Variants in ATF6 observed in about 807,000 individuals in gnomAD.
ATF6 encodes activating transcription factor 6.
In ATF6, 53 loss-of-function variants were observed where a neutral mutation model predicts 83.6. The observed-to-expected ratio is 0.63, with a 90% CI of 0.51 to 0.80. The LOEUF (loss-of-function observed/expected upper bound fraction) is 0.80, where lower values mean the gene tolerates loss of function less well. Among genes scored for constraint, ATF6 ranks in the 30% least tolerant of loss-of-function variants. The pLI is 0.00. For synonymous variants in ATF6, 288 were observed against 285.8 expected (o/e 1.01, Z -0.08); for missense variants, 744 against 797.9 (o/e 0.93, Z 0.81).
chr1:161,850,925 C>T (rs543870829), intron 10 of ATF6, among the ~76,000 whole-genome samples: 33 of 152,194 alleles, frequency 2.2e-4, no homozygotes, highest in Middle Eastern at 3.4e-3. Flanking sequence ...TTGCTCCCTA[C>T]GTCACACCTT....
At chr1:161,829,328 T>C (rs76771026) in intron 9 of ATF6, among the ~76,000 whole-genome samples, 21,356 of 150,822 alleles carry the variant, frequency 0.14, 2,057 homozygotes, top group East Asian at 0.31. Context: ...AACACCCCAC[T>C]GTCAACATTA....
At chr1:161,860,599 G>A (rs1248733285) in intron 13 of ATF6, among the ~76,000 whole-genome samples, 1 of 151,870 alleles carries the variant, frequency 6.6e-6, no homozygotes, top group Non-Finnish European at 1.5e-5. Context: ...TCTGTTTCAT[G>A]AACCTAGGGA....
At chr1:161,807,353 A>G (rs1456742396) in intron 7 of ATF6, among the ~76,000 whole-genome samples, 2 of 152,250 alleles carry the variant, frequency 1.3e-5, no homozygotes, top group African/African-American at 4.8e-5. Context: ...GACGCTGGTT[A>G]GGTCAAAATG....
At chr1:161,922,442 T>A (rs1350448090) in intron 15 of ATF6, among the ~76,000 whole-genome samples, 5 of 152,098 alleles carry the variant, frequency 3.3e-5, no homozygotes, top group African/African-American at 1.2e-4. Context: ...GTACCCATGA[T>A]TTGTACTTTA....
intron 14 of ATF6, among the ~76,000 whole-genome samples, chr1:161,888,235 A>G (rs950749735): frequency 2.6e-5 from 4 of 152,236 alleles, no homozygotes; most frequent in Admixed American, 1.3e-4. Context: ...CTGCTTTTTT[A>G]AAAGAGCAAC....
At chr1:161,834,999 A>G (rs1290643157) in intron 9 of ATF6, among the ~76,000 whole-genome samples, 1 of 152,194 alleles carries the variant, frequency 6.6e-6, no homozygotes, top group Non-Finnish European at 1.5e-5. Context: ...ATGCACTGAG[A>G]AGGGCACAGT....
intron 1 of ATF6, among the ~76,000 whole-genome samples, chr1:161,772,415 T>C (rs1323460125): frequency 6.6e-6 from 1 of 152,190 alleles, no homozygotes. Flanking sequence ...GATGATTGCT[T>C]TATAAAGTTT....
intron 9 of ATF6, among the ~76,000 whole-genome samples, chr1:161,829,119 C>T (rs556124878): frequency 1.3e-5 from 2 of 151,174 alleles, no homozygotes; most frequent in Admixed American, 1.3e-4. Flanking sequence ...GCGGGAGCAC[C>T]CAGATTCATA....
chr1:161,837,880 A>G (rs888732623), intron 9 of ATF6, among the ~76,000 whole-genome samples: 7 of 152,214 alleles, frequency 4.6e-5, no homozygotes, highest in African/African-American at 1.4e-4. Context: ...GGATTAATTC[A>G]TTTGTTCCTC....
At chr1:161,886,561 A>G (rs1237717081) in intron 14 of ATF6, among the ~76,000 whole-genome samples, 2 of 152,154 alleles carry the variant, frequency 1.3e-5, no homozygotes, top group South Asian at 2.1e-4. Context: ...TTTCTTAGCC[A>G]TGTTACTGAA....
chr1:161,850,754 T>C (rs745735916), intron 10 of ATF6, among the ~76,000 whole-genome samples: 1 of 152,208 alleles, frequency 6.6e-6, no homozygotes, highest in Non-Finnish European at 1.5e-5. Context: ...ATGTTTTCTT[T>C]TGAGATATTA....
At position 161,925,728 on chromosome 1, in the gene ATF6, T is replaced by C. The variant is rs538145402; in HGVS notation, c.1804+13348T>C. 2.0e-5 allele frequency among the ~76,000 whole-genome samples: 3 copies of C among 152,302 alleles called. No individual in the cohort carries two copies. The South Asian group carries it at 6.2e-4, about 32-fold the overall frequency. ...CATAGTAGCTGCTCAAAAATGTTTGTTGAATTGAATTAAATATATGAAGTA... is the reference window on the plus strand; with the variant it reads ...CATAGTAGCTGCTCAAAAATGTTTGCTGAATTGAATTAAATATATGAAGTA... On this transcript the variant is annotated intron_variant, in intron 15 of 15. Coordinates refer to ENST00000367942, the MANE Select transcript of ATF6 (RefSeq NM_007348.4).
At chr1:161,778,817 AC>A (rs1275548716) in intron 2 of ATF6, among the ~76,000 whole-genome samples, 2 of 152,126 alleles carry the variant, frequency 1.3e-5, no homozygotes, top group Non-Finnish European at 2.9e-5. Flanking sequence ...CTATTATAAC[AC>A]TGAGTCCCCG....
chr1:161,778,019 T>A (rs1478467384), intron 1 of ATF6, among the ~76,000 whole-genome samples: 1 of 152,226 alleles, frequency 6.6e-6, no homozygotes, highest in Non-Finnish European at 1.5e-5. Context: ...AAAACCTTTT[T>A]TGATCCCTGG....
chr1:161,913,161 G>A (rs1052582290), intron 15 of ATF6, among the ~76,000 whole-genome samples: 12 of 152,106 alleles, frequency 7.9e-5, no homozygotes, highest in Admixed American at 1.3e-4. Context: ...TTGAAAATCG[G>A]AGAGTTGGCC....
At chr1:161,938,603 AT>A (rs910813477) in intron 15 of ATF6, among the ~76,000 whole-genome samples, 3 of 152,086 alleles carry the variant, frequency 2.0e-5, no homozygotes, top group African/African-American at 7.2e-5. Flanking sequence ...TGTAACAATT[AT>A]TTTTTTTAAG....
intron 10 of ATF6, 29 bp from the exon 11 acceptor site, chr1:161,851,693 G>A: frequency 1.3e-6 from 2 of 1,534,086 alleles, no homozygotes; most frequent in Non-Finnish European, 1.8e-6. Context: ...AAGATACAAG[G>A]AAACAAATTT....
chr1:161,955,641 C>T (rs1409150990), intron 15 of ATF6, among the ~76,000 whole-genome samples: 1 of 152,186 alleles, frequency 6.6e-6, no homozygotes, highest in Admixed American at 6.5e-5. Flanking sequence ...TTTATAATGT[C>T]TCATACAGTA....
At chr1:161,946,189 T>C (rs1269204563) in intron 15 of ATF6, among the ~76,000 whole-genome samples, 1 of 152,014 alleles carries the variant, frequency 6.6e-6, no homozygotes, top group African/African-American at 2.4e-5. Context: ...GAGACAGGAG[T>C]ACTCCATGTT....
Sources: gnomAD v4.1 joint callset for allele counts (sites outside exome capture counted in the v4.1 genomes callset) on GRCh38, gnomAD v4.1.1 for gene constraint, MANE v1.5 for transcripts, NCBI Gene and HGNC (gene_info 2026-07-23, HGNC 2026-07-21) for gene names.